Variants in DNAH5 observed in about 807,000 individuals in gnomAD.
DNAH5 encodes dynein axonemal heavy chain 5.
DNAH5 carries 372 observed loss-of-function variants against 518.2 expected under a neutral mutation model. That is an observed-to-expected ratio of 0.72 (90% CI 0.66 to 0.78). The LOEUF (loss-of-function observed/expected upper bound fraction) is 0.78. Ranked by LOEUF, DNAH5 falls within the 30% of genes least tolerant of loss-of-function variation. DNAH5 has a pLI of 0.00. For synonymous variants in DNAH5, 2,039 were observed against 2,025.9 expected, an observed-to-expected ratio of 1.01 and a Z score of -0.17; for missense variants, 5,523 against 5,687.0, an observed-to-expected ratio of 0.97 and a Z score of 0.93.
intron 34 of DNAH5, 101 bp downstream of exon 34, chr5:13,840,804 AT>A: frequency 1.0e-6 from 1 of 960,470 alleles, no homozygotes; most frequent in Non-Finnish European, 1.6e-6. Context: ...CCAGAATTTA[AT>A]TTTTTCCTTG....
chr5:14,008,033 G>C (rs1320717220), intron 1 of DNAH5, among the ~76,000 whole-genome samples: 9 of 152,122 alleles, frequency 5.9e-5, no homozygotes, highest in South Asian at 2.1e-4. Flanking sequence ...ATTAGCAGGT[G>C]TAATGGCACA....
At chr5:13,790,629 G>A (rs954048173) in intron 50 of DNAH5, among the ~76,000 whole-genome samples, 2 of 152,126 alleles carry the variant, frequency 1.3e-5, no homozygotes, top group Non-Finnish European at 2.9e-5. Flanking sequence ...TTTTATAAGA[G>A]GCTCTTCCCC....
intron 64 of DNAH5, 77 bp downstream of exon 64, chr5:13,752,057 G>C: frequency 6.7e-7 from 1 of 1,490,626 alleles, no homozygotes; most frequent in Non-Finnish European, 9.4e-7. Context: ...TGCCTATTGA[G>C]AGAATTCTAT....
At chr5:13,716,439 G>A (rs748312359) in intron 74 of DNAH5, 48 bp downstream of exon 74, 1 of 1,383,956 alleles carries the variant, frequency 7.2e-7, no homozygotes, top group African/African-American at 1.4e-5. Flanking sequence ...CAAAACTCAA[G>A]TGGCTACAGA....
chr5:13,849,937 C>T lies in DNAH5; in HGVS notation c.5114+715G>A, dbSNP rs1249676049. Among the ~76,000 whole-genome samples, 6 of 152,106 alleles carry T rather than the reference C, an allele frequency of 3.9e-5. No individual in the cohort carries two copies. In the South Asian group the frequency reaches 6.2e-4, roughly 16 times the overall value. ...AGCCTGGCTTAGATGACCTGAGTCC[C>T]GCAGTGCACAGGACAAGCTGGTTAT... On this transcript the variant is annotated intron_variant, in intron 31 of 78. Coordinates refer to ENST00000265104, the MANE Select transcript of DNAH5 (RefSeq NM_001369.3).
intron 1 of DNAH5, among the ~76,000 whole-genome samples, chr5:13,980,140 T>G (rs537586316): frequency 6.6e-6 from 1 of 151,942 alleles, no homozygotes; most frequent in South Asian, 2.1e-4. Flanking sequence ...GCCCAGCCCA[T>G]CCCTTCTTCT....
At chr5:13,747,076 C>T (rs1749464581) in intron 65 of DNAH5, among the ~76,000 whole-genome samples, 1 of 150,302 alleles carries the variant, frequency 6.7e-6, no homozygotes, top group Non-Finnish European at 1.5e-5. Context: ...GTGTGAAGTT[C>T]CCCTTCCTGT....
chr5:13,894,013 C>A lies in DNAH5; in HGVS notation c.2431+637G>T, dbSNP rs192448784. ...GTTAATGTGTCCTCCTGGAAGGCAG[C>A]CAAGGAATTCTGGGAAATGCCACAA... On this transcript the variant is annotated intron_variant, in intron 16 of 78. Coordinates refer to ENST00000265104, the MANE Select transcript of DNAH5 (RefSeq NM_001369.3). Among the ~76,000 whole-genome samples, 13 of 152,060 alleles carry A rather than the reference C, an allele frequency of 8.5e-5. No homozygotes were observed. In the East Asian group the frequency reaches 2.3e-3, roughly 27 times the overall value.
chr5:13,966,910 G>A (rs938790936), intron 1 of DNAH5, among the ~76,000 whole-genome samples: 5 of 152,154 alleles, frequency 3.3e-5, no homozygotes, highest in Admixed American at 3.3e-4. Flanking sequence ...CGCCCAGGCT[G>A]GAGTGCAGTG....
chr5:13,810,973 C>G (rs900029210), intron 44 of DNAH5, among the ~76,000 whole-genome samples: 1 of 152,042 alleles, frequency 6.6e-6, no homozygotes, highest in African/African-American at 2.4e-5. Flanking sequence ...TGAAATAAGC[C>G]AGACGCAGAA....
In DNAH5 at chr5:13,820,511, A is replaced by C. The variant is rs879007222; in HGVS notation, c.6688-12T>G. The C allele has an allele frequency of 3.1e-6, 5 of 1,613,606 alleles. No homozygotes were observed. The East Asian group carries it at 8.9e-5, about 29-fold the overall frequency. On this transcript the variant is annotated splice_polypyrimidine_tract_variant and intron_variant, in intron 40 of 78. Coordinates refer to ENST00000265104, the MANE Select transcript of DNAH5 (RefSeq NM_001369.3). ...CCAGCTTCTTCAACCTGAAAACATA[A>C]GAGAATCCCCACATTGAAACACAAC... is the stretch of plus-strand genomic sequence containing the variant.
chr5:13,843,019 C>T (rs1179904569), intron 32 of DNAH5, among the ~76,000 whole-genome samples: 5 of 152,152 alleles, frequency 3.3e-5, no homozygotes, highest in African/African-American at 1.2e-4. Context: ...CCATGATGTC[C>T]TAGTGCCATG....
rs1192362664 is a variant in DNAH5, at chr5:13,839,536, T to C, written c.5710-8A>G. The C allele has an allele frequency of 6.2e-7, 1 of 1,611,094 alleles. No individual in the cohort carries two copies. Among genetic ancestry groups the C allele is most frequent in the South Asian group, 1.1e-5 (1 of 91,008 alleles). Reference sequence around the variant, plus strand: ...CTTGATATGCATATGACACTGAAATTCAAAAGGTATATGTTAGAGCTCTGA... The same window carrying C: ...CTTGATATGCATATGACACTGAAATCCAAAAGGTATATGTTAGAGCTCTGA... On this transcript the variant is annotated splice_polypyrimidine_tract_variant and splice_region_variant and intron_variant, in intron 34 of 78. Transcript: ENST00000265104.
chr5:13,834,160 CAG>C (rs1431905698), intron 35 of DNAH5, among the ~76,000 whole-genome samples: 3 of 152,238 alleles, frequency 2.0e-5, no homozygotes, highest in African/African-American at 7.2e-5. Context: ...TTAGGGTAAA[CAG>C]ACAAACTTCA....
intron 12 of DNAH5, among the ~76,000 whole-genome samples, chr5:13,905,433 G>A (rs559773118): frequency 1.5e-4 from 23 of 152,208 alleles, no homozygotes; most frequent in Admixed American, 9.2e-4. Flanking sequence ...ATCAGATACC[G>A]GCTCCTCAAC....
intron 35 of DNAH5, among the ~76,000 whole-genome samples, chr5:13,835,347 C>T (rs1335545932): frequency 2.0e-5 from 3 of 151,866 alleles, no homozygotes; most frequent in Admixed American, 1.3e-4. Flanking sequence ...AAGGAGTCCT[C>T]GGTAAGGTTT....
intron 65 of DNAH5, among the ~76,000 whole-genome samples, chr5:13,739,122 T>C (rs1395835110): frequency 2.6e-5 from 4 of 152,064 alleles, no homozygotes; most frequent in Non-Finnish European, 5.9e-5. Flanking sequence ...CTCACATCTC[T>C]AGACCAGCTT....
intron 58 of DNAH5, among the ~76,000 whole-genome samples, chr5:13,766,937 A>T (rs1752587849): frequency 6.6e-6 from 1 of 152,216 alleles, no homozygotes; most frequent in Non-Finnish European, 1.5e-5. Context: ...CCTTCCTTCC[A>T]GATCTTCAAA....
chr5:13,935,802 T>A (rs949064341), intron 1 of DNAH5, among the ~76,000 whole-genome samples: 1 of 152,198 alleles, frequency 6.6e-6, no homozygotes, highest in African/African-American at 2.4e-5. Flanking sequence ...GGGGTTGGCT[T>A]GTCCTGCTGG....
Sources: gnomAD v4.1 joint callset for allele counts (sites outside exome capture counted in the v4.1 genomes callset) on GRCh38, gnomAD v4.1.1 for gene constraint, MANE v1.5 for transcripts, NCBI Gene and HGNC (gene_info 2026-07-23, HGNC 2026-07-21) for gene names.